The following RDX variants were observed in gnomAD, a reference collection of about 807,000 sequenced individuals.
The protein encoded by RDX is radixin.
A neutral mutation model predicts 83.7 loss-of-function variants in RDX; 32 were observed. The observed-to-expected ratio is 0.38, with a 90% CI of 0.29 to 0.51. RDX has a LOEUF of 0.51. Among genes scored for constraint, RDX ranks in the 20% least tolerant of loss-of-function variants. RDX has a pLI of 0.87. For missense variants in RDX, 600 were observed against 689.9 expected, an observed-to-expected ratio of 0.87 and a Z score of 1.46; for synonymous variants, 229 against 222.7, an observed-to-expected ratio of 1.03 and a Z score of -0.25.
Position 110,184,912 on chromosome 11 carries a change from G to A in RDX, c.*32-9678C>T, listed in dbSNP as rs111948574. On this transcript the variant is annotated intron_variant, in intron 15 of 15. Coordinates refer to the RDX transcript ENST00000528498. Reference sequence around the variant, plus strand: ...AGTTTGAGACGGTGCTGACCTTGGAGGGGGGGCTAGGGCCTGAGAAAAGCA... The same window carrying A: ...AGTTTGAGACGGTGCTGACCTTGGAAGGGGGGCTAGGGCCTGAGAAAAGCA... 2.6e-5 allele frequency among the ~76,000 whole-genome samples: 4 copies of A among 152,144 alleles called. 1 individual carries two copies. Among genetic ancestry groups the A allele is most frequent in the African/African-American group, 9.6e-5 (4 of 41,472 alleles).
chr11:110,255,306 T>G lies in RDX; in HGVS notation c.778A>C (p.Ile260Leu). 6.3e-7 allele frequency: 1 copy of G among 1,578,286 alleles called. No individual in the cohort carries two copies. Among genetic ancestry groups the G allele is most frequent in the Non-Finnish European group, 8.7e-7 (1 of 1,148,250 alleles). ...TTACTTACAGGTGCCTTTTTGTCGATTGGCTTTATAACAAATTTTTTGTCA... is the reference window on the plus strand; with the variant it reads ...TTACTTACAGGTGCCTTTTTGTCGAGTGGCTTTATAACAAATTTTTTGTCA... ...FNDKKFVIKP[I>L]DKKAPDFVFY... The change falls in exon 8 of 14, where the codon ATC becomes CTC. Residue 260 changes from isoleucine to leucine, a missense_variant. Coordinates refer to ENST00000645495, the MANE Select transcript of RDX (RefSeq NM_002906.4).
chr11:110,209,261 GA>G (rs1375247736), intron 14 of RDX, among the ~76,000 whole-genome samples: 2 of 151,900 alleles, frequency 1.3e-5, no homozygotes, highest in Non-Finnish European at 2.9e-5. Context: ...ACTCCCACCC[GA>G]ATACTGCGCT....
chr11:110,208,838 C>A (rs931469862), intron 14 of RDX, among the ~76,000 whole-genome samples: 1 of 152,100 alleles, frequency 6.6e-6, no homozygotes, highest in East Asian at 1.9e-4. Context: ...CACCTGTAAT[C>A]ACAGCTACTC....
At chr11:110,280,687 C>A (rs1293635621) in intron 1 of RDX, among the ~76,000 whole-genome samples, 2 of 152,222 alleles carry the variant, frequency 1.3e-5, no homozygotes, top group Admixed American at 6.5e-5. Context: ...CATCTGTAAT[C>A]CCAACACTTT....
rs904840151 is a variant in RDX at position 110,282,037 on chromosome 11, G to A, written c.-64-2281C>T. On this transcript the variant is annotated intron_variant, in intron 1 of 13. Transcript: ENST00000645495. ...GCCTGGGAAGTGCAGGTTGAAGTGA[G>A]CTGAGATCACCAATGCACTCCAGCC... 7.3e-5 allele frequency among the ~76,000 whole-genome samples: 11 copies of A among 151,218 alleles called. No homozygotes were observed. The South Asian group carries it at 2.3e-3, about 32-fold the overall frequency.
chr11:110,247,676 A>G (rs373584825), intron 10 of RDX, 27 bp downstream of exon 10: 81 of 1,606,102 alleles, frequency 5.0e-5, no homozygotes, highest in Non-Finnish European at 6.6e-5. Flanking sequence ...ATAATTTTTA[A>G]TCCATTTTCA....
At chr11:110,290,685 A>G (rs1861206651) in intron 1 of RDX, among the ~76,000 whole-genome samples, 1 of 152,232 alleles carries the variant, frequency 6.6e-6, no homozygotes, top group South Asian at 2.1e-4. Context: ...AGTGGTCGGC[A>G]AACTTTTTCC....
chr11:110,231,996 G>A lies in RDX; in HGVS notation c.1625C>T (p.Thr542Ile), dbSNP rs760462619. ...SSELAQARDE[T>I]KKTQNDVLHA... ...AAGAACATCATTTTGTGTTTTCTTGGTTTCATCTCTGGCTTGGGCTAATTC... is the reference window on the plus strand; with the variant it reads ...AAGAACATCATTTTGTGTTTTCTTGATTTCATCTCTGGCTTGGGCTAATTC... The change falls in exon 14 of 14, where the codon ACC (threonine) becomes ATC (isoleucine). Residue 542 changes from threonine (T) to isoleucine (I), a missense_variant. Physicochemically the swap from Thr to Ile is moderately conservative, Grantham distance 89. Coordinates refer to ENST00000645495, the MANE Select transcript of RDX (RefSeq NM_002906.4). 2 of 1,613,938 alleles carry A rather than the reference G, an allele frequency of 1.2e-6. No homozygotes were observed. Among genetic ancestry groups the A allele is most frequent in the Non-Finnish European group, 8.5e-7 (1 of 1,179,950 alleles).
At chr11:110,271,933 A>G (rs1384077919) in intron 3 of RDX, among the ~76,000 whole-genome samples, 3 of 152,190 alleles carry the variant, frequency 2.0e-5, no homozygotes, top group Non-Finnish European at 2.9e-5. Flanking sequence ...AAAGTTCCAC[A>G]CCTAACCTAA....
At chr11:110,219,640 TGA>T (rs753630288) in intron 14 of RDX, among the ~76,000 whole-genome samples, 4 of 152,100 alleles carry the variant, frequency 2.6e-5, no homozygotes, top group East Asian at 1.9e-4. Context: ...ATGGAGATTA[TGA>T]GAGAGTCATA....
rs1353975188 is a variant in RDX at position 110,176,926 on chromosome 11, G to A, written c.*32-1692C>T. The stretch of plus-strand genomic sequence containing the variant: ...TCTCTGCTGACCTGAAGGAACCAGC[G>A]CAACATCGCACAGTCGGCTGGCCTG... On this transcript the variant is annotated intron_variant, in intron 15 of 15. Transcript: ENST00000528498. 2.6e-5 allele frequency among the ~76,000 whole-genome samples: 4 copies of A among 152,156 alleles called. No individual in the cohort carries two copies. The South Asian group carries it at 6.2e-4, about 24-fold the overall frequency.
intron 9 of RDX, 191 bp downstream of exon 9, chr11:110,253,755 G>A (rs1859428886): frequency 1.7e-6 from 1 of 591,000 alleles, no homozygotes; most frequent in African/African-American, 1.9e-5. Context: ...CGAGATATGT[G>A]TCAAAGATTT....
intron 1 of RDX, among the ~76,000 whole-genome samples, chr11:110,289,097 G>C (rs148029487): frequency 6.6e-4 from 101 of 152,162 alleles, no homozygotes; most frequent in African/African-American, 2.3e-3. Context: ...AATTAGCCGA[G>C]CGTGGTGGCG....
intron 5 of RDX, among the ~76,000 whole-genome samples, chr11:110,263,650 C>T (rs1229218411): frequency 2.0e-5 from 3 of 151,576 alleles, no homozygotes; most frequent in Non-Finnish European, 4.4e-5. Context: ...CACTTGAGCT[C>T]AGGAGTTTGA....
At chr11:110,193,090 C>A (rs7114895) in intron 15 of RDX, among the ~76,000 whole-genome samples, 7,892 of 152,092 alleles carry the variant, frequency 0.052, 687 homozygotes, top group African/African-American at 0.18. Flanking sequence ...AGCAGTACGC[C>A]CAATAGCAAA....
intron 15 of RDX, among the ~76,000 whole-genome samples, chr11:110,193,088 G>A (rs752421660): frequency 3.9e-5 from 6 of 152,090 alleles, no homozygotes; most frequent in Admixed American, 1.3e-4. Flanking sequence ...ACAGCAGTAC[G>A]CCCAATAGCA....
At chr11:110,214,803 G>A (rs1408819542) in intron 14 of RDX, among the ~76,000 whole-genome samples, 1 of 107,020 alleles carries the variant, frequency 9.3e-6, no homozygotes, top group African/African-American at 3.5e-5. Context: ...AGATCACATG[G>A]ACACAGGAAG....
At chr11:110,251,538 G>C (rs1859341905) in intron 9 of RDX, among the ~76,000 whole-genome samples, 1 of 152,108 alleles carries the variant, frequency 6.6e-6, no homozygotes, top group Non-Finnish European at 1.5e-5. Context: ...GAGGAGTCAA[G>C]CCCAGATTTA....
chr11:110,233,246 C>T lies in RDX; in HGVS notation c.1578G>A (p.Lys526=). 6.2e-7 allele frequency: 1 copy of T among 1,612,930 alleles called. No homozygotes were observed. The highest frequency in any genetic ancestry group is 8.5e-7 in the Non-Finnish European group (1 of 1,179,920). ...TGCAAATTTTAAATACCTGAAGTTGCTTCTTAACACGCTCATTTTTCTGTG... is the reference window on the plus strand; with the variant it reads ...TGCAAATTTTAAATACCTGAAGTTGTTTCTTAACACGCTCATTTTTCTGTG... ...TETQKNERVK[K]QLQALSSELA... is the part of the protein sequence containing the mutation. The change falls in exon 13 of 14, where the codon AAG becomes AAA. Residue 526 remains lysine, a synonymous_variant. Transcript: ENST00000645495.
Sources: gnomAD v4.1 joint callset for allele counts (sites outside exome capture counted in the v4.1 genomes callset) on GRCh38, gnomAD v4.1.1 for gene constraint, MANE v1.5 for transcripts, NCBI Gene and HGNC (gene_info 2026-07-23, HGNC 2026-07-21) for gene names.